B3GNT3: variants seen among roughly 807,000 people sequenced by gnomAD.
B3GNT3 encodes the protein UDP-GlcNAc:betaGal beta-1,3-N-acetylglucosaminyltransferase 3, also known as N-acetyllactosaminide beta-1,3-N-acetylglucosaminyltransferase 3.
B3GNT3 carries 7 observed loss-of-function variants against 11.6 expected under a neutral mutation model. The observed-to-expected ratio is 0.60, with a 90% CI of 0.34 to 1.13. The LOEUF is 1.13. B3GNT3 is among the 50% of genes most tolerant of loss of function. The pLI, the probability that B3GNT3 is intolerant of heterozygous loss-of-function variation, is 0.03. For missense variants in B3GNT3, 400 were observed against 507.4 expected (o/e 0.79, Z 2.03); for synonymous variants, 201 against 222.1 (o/e 0.90, Z 0.85).
intron 1 of B3GNT3, among the ~76,000 whole-genome samples, chr19:17,799,080 C>T (rs947615267): frequency 6.6e-6 from 1 of 152,196 alleles, no homozygotes; most frequent in East Asian, 1.9e-4. Flanking sequence ...TCCCAGGACT[C>T]AAATCCGTAT....
chr19:17,802,152 A>C (rs1042225555), intron 1 of B3GNT3, among the ~76,000 whole-genome samples: 3 of 150,814 alleles, frequency 2.0e-5, no homozygotes, highest in African/African-American at 7.3e-5. Flanking sequence ...GGTCTTGAGC[A>C]CCTAAGCTCA....
Position 17,807,874 on chromosome 19 carries a change from C to T in B3GNT3, c.67C>T (p.Leu23Phe), listed in dbSNP as rs267605355. 2 of 1,613,548 alleles carry T rather than the reference C, an allele frequency of 1.2e-6. No homozygotes were observed. Among genetic ancestry groups the T allele is most frequent in the Non-Finnish European group, 1.7e-6 (2 of 1,180,016 alleles). ...LILAIGAFTL[L>F]LFSLLVSPPT... ...TCTGGCCATCGGCGCTTTCACCCTC[C>T]TCCTCTTCAGTCTGCTAGTGTCACC... is the stretch of plus-strand genomic sequence containing the variant. The change falls in exon 2 of 3, where the codon CTC (leucine) becomes TTC (phenylalanine). Residue 23 changes from leucine (L) to phenylalanine (F), a missense_variant. Leu to Phe is a conservative substitution (Grantham distance 22). Transcript: ENST00000318683.
chr19:17,808,188 G>GCGCA lies in B3GNT3; in HGVS notation c.384_387dup (p.Trp130HisfsTer83). 1 of 1,610,706 alleles carries GCGCA rather than the reference G, an allele frequency of 6.2e-7. No homozygotes were observed. The highest frequency in any genetic ancestry group is 8.5e-7 in the Non-Finnish European group (1 of 1,178,086). On this transcript the variant is annotated frameshift_variant, in exon 2 of 3. Coordinates refer to ENST00000318683, the MANE Select transcript of B3GNT3 (RefSeq NM_014256.4). LOFTEE classifies it high-confidence loss of function. Reference sequence around the variant, plus strand: ...ACTATGTGCGCCGCGAGCTGCTGCGGCGCACGTGGGGCCGCGAGCGCAAGG... The same window carrying GCGCA: ...ACTATGTGCGCCGCGAGCTGCTGCGGCGCACGCACGTGGGGCCGCGAGCGCAAGG...
intron 1 of B3GNT3, among the ~76,000 whole-genome samples, chr19:17,804,630 T>C (rs1333381560): frequency 1.4e-5 from 2 of 139,210 alleles, no homozygotes; most frequent in Non-Finnish European, 3.0e-5. Context: ...CTCCGCCTCC[T>C]GGGTTCAAGC....
At chr19:17,807,431 G>A (rs2094174490) in intron 1 of B3GNT3, among the ~76,000 whole-genome samples, 1 of 151,058 alleles carries the variant, frequency 6.6e-6, no homozygotes, top group Non-Finnish European at 1.5e-5. Flanking sequence ...GGTGGAGGCT[G>A]CAGTAAGCGG....
chr19:17,807,482 A>G (rs1337104330), intron 1 of B3GNT3, among the ~76,000 whole-genome samples: 1 of 148,788 alleles, frequency 6.7e-6, no homozygotes, highest in African/African-American at 2.5e-5. Context: ...ACAGAACAAG[A>G]GAGAGAGAGA....
At chr19:17,808,615 G>A (rs748386458) in intron 2 of B3GNT3, among the ~76,000 whole-genome samples, 2 of 152,128 alleles carry the variant, frequency 1.3e-5, no homozygotes, top group East Asian at 1.9e-4. Context: ...ATGCGGATTC[G>A]AATCCAAGCT....
rs921963562 is a variant in B3GNT3 at position 17,811,139 on chromosome 19, G to A, written c.568-432G>A. On this transcript the variant is annotated intron_variant, in intron 2 of 2. Coordinates refer to ENST00000318683, the MANE Select transcript of B3GNT3 (RefSeq NM_014256.4). The surrounding 1 kb of genome is among the most constrained non-coding windows in gnomAD (Gnocchi z 4.1). ...TGAGGTGGAAGGATCACCTGAGCCC[G>A]GGAATTTGAGGCTGCAATGAACTAT... Among the ~76,000 whole-genome samples the A allele has an allele frequency of 6.6e-6, 1 of 152,056 alleles. No individual in the cohort carries two copies. The highest frequency in any genetic ancestry group is 1.5e-5 in the Non-Finnish European group (1 of 68,016).
intron 1 of B3GNT3, among the ~76,000 whole-genome samples, chr19:17,800,824 G>A (rs371557867): frequency 2.6e-5 from 4 of 152,060 alleles, no homozygotes; most frequent in East Asian, 3.9e-4. Flanking sequence ...AAAATTAGCC[G>A]GGTGTGGTGG....
At chr19:17,799,040 C>T (rs2094162661) in intron 1 of B3GNT3, among the ~76,000 whole-genome samples, 1 of 152,180 alleles carries the variant, frequency 6.6e-6, no homozygotes. Context: ...AAGGCCACTG[C>T]TTGGAGCTAC....
At chr19:17,802,950 AAAG>A (rs1181354525) in intron 1 of B3GNT3, among the ~76,000 whole-genome samples, 1 of 151,610 alleles carries the variant, frequency 6.6e-6, no homozygotes, top group Non-Finnish European at 1.5e-5. Context: ...TCAGCCTCCT[AAAG>A]TGCAAGGATT....
At chr19:17,799,814 G>A (rs920713256) in intron 1 of B3GNT3, among the ~76,000 whole-genome samples, 11 of 136,406 alleles carry the variant, frequency 8.1e-5, no homozygotes, top group African/African-American at 3.1e-4. Flanking sequence ...TCCAGGCCTG[G>A]GAGTCCCTGA....
At chr19:17,800,193 G>A (rs10417273) in intron 1 of B3GNT3, among the ~76,000 whole-genome samples, 7,682 of 152,146 alleles carry the variant, frequency 0.05, 646 homozygotes, top group African/African-American at 0.17. Flanking sequence ...TGGCCAACGC[G>A]CTGAAACCCC....
At chr19:17,804,212 T>C (rs2094169792) in intron 1 of B3GNT3, among the ~76,000 whole-genome samples, 1 of 151,684 alleles carries the variant, frequency 6.6e-6, no homozygotes. Context: ...TTTTCCTTTT[T>C]TTTTTCTTTT....
intron 1 of B3GNT3, among the ~76,000 whole-genome samples, chr19:17,795,498 G>A (rs2094158549): frequency 6.6e-6 from 1 of 152,246 alleles, no homozygotes; most frequent in Admixed American, 6.5e-5. Context: ...AGACCCCCGA[G>A]GCGGATGCCG....
intron 1 of B3GNT3, among the ~76,000 whole-genome samples, chr19:17,798,985 A>G (rs2094162602): frequency 1.3e-5 from 2 of 152,146 alleles, no homozygotes; most frequent in South Asian, 2.1e-4. Context: ...GAAAAGAAAA[A>G]AAAAATCTCA....
chr19:17,806,630 G>A lies in B3GNT3; in HGVS notation c.-50-1128G>A, dbSNP rs189528359. Among the ~76,000 whole-genome samples, 417 of 152,228 alleles carry A rather than the reference G, an allele frequency of 2.7e-3. 1 individual carries two copies. Among genetic ancestry groups the A allele is most frequent in the Non-Finnish European group, 4.5e-3 (305 of 68,018 alleles). The stretch of plus-strand genomic sequence containing the variant: ...TCCCAGTGACCCCGAGTTGAGGGAC[G>A]TATGAGATGGGCATACTGCACCCAT... On this transcript the variant is annotated intron_variant, in intron 1 of 2. Coordinates refer to ENST00000318683, the MANE Select transcript of B3GNT3 (RefSeq NM_014256.4).
chr19:17,804,561 A>G (rs1465203027), intron 1 of B3GNT3, among the ~76,000 whole-genome samples: 3 of 40,120 alleles, frequency 7.5e-5, no homozygotes, highest in Admixed American at 3.0e-4. Flanking sequence ...TTTTTGAGAC[A>G]TAGTCTTGCT....
chr19:17,807,223 C>T (rs1210041686), intron 1 of B3GNT3, among the ~76,000 whole-genome samples: 2 of 150,960 alleles, frequency 1.3e-5, no homozygotes, highest in Non-Finnish European at 2.9e-5. Context: ...GGCACAGTGA[C>T]TCATGCCTGT....
Sources: gnomAD v4.1 joint callset for allele counts (sites outside exome capture counted in the v4.1 genomes callset) on GRCh38, gnomAD v4.1.1 for gene constraint, Gnocchi (gnomAD v3.1) non-coding constraint, MANE v1.5 for transcripts, NCBI Gene and HGNC (gene_info 2026-07-23, HGNC 2026-07-21) for gene names.